The following CMIP variants were observed in gnomAD, a reference collection of about 807,000 sequenced individuals.
CMIP encodes the protein c-Maf inducing protein, also known as C-Maf-inducing protein.
In CMIP, 13 loss-of-function variants were observed where a neutral mutation model predicts 97.3. The observed-to-expected ratio is 0.13, with a 90% CI of 0.09 to 0.21. The LOEUF is 0.21. Ranked by LOEUF, CMIP falls within the 10% of genes least tolerant of loss-of-function variation. The probability of loss-of-function intolerance (pLI) is 1.00; values close to 1 mark genes in which losing one functional copy is unlikely to be tolerated. For synonymous variants in CMIP, 538 were observed against 436.3 expected, an observed-to-expected ratio of 1.23 and a Z score of -2.91; for missense variants, 847 against 1,024.9, an observed-to-expected ratio of 0.83 and a Z score of 2.37.
At chr16:81,633,703 G>C (rs2092196432) in intron 3 of CMIP, among the ~76,000 whole-genome samples, 1 of 152,246 alleles carries the variant, frequency 6.6e-6, no homozygotes, top group African/African-American at 2.4e-5. Context: ...ACTCCTAATG[G>C]AGCTTGCTGG....
intron 3 of CMIP, among the ~76,000 whole-genome samples, chr16:81,639,334 A>G (rs746376666): frequency 8.5e-5 from 13 of 152,182 alleles, no homozygotes; most frequent in Non-Finnish European, 4.4e-5. Flanking sequence ...TGGTTCATTC[A>G]CGTTGCCGTG....
rs745524352 is a variant in CMIP at position 81,478,088 on chromosome 16, C to T, written c.300+32547C>T. Among the ~76,000 whole-genome samples the T allele has an allele frequency of 1.3e-4, 20 of 152,326 alleles. 1 individual carries two copies. Among genetic ancestry groups the T allele is most frequent in the Middle Eastern group, 6.8e-3 (2 of 294 alleles). On this transcript the variant is annotated intron_variant, in intron 1 of 20. Transcript: ENST00000537098. ...CAGAATAGGGTGTTGGCATGGGCCACGCTAGCCATCTCTGCCACTGCCCTT... is the reference window on the plus strand; with the variant it reads ...CAGAATAGGGTGTTGGCATGGGCCATGCTAGCCATCTCTGCCACTGCCCTT...
chr16:81,610,476 G>A (rs895972208), intron 2 of CMIP: 39 of 985,852 alleles, frequency 4.0e-5, no homozygotes, highest in African/African-American at 3.7e-4. Context: ...ATCCAGAGCC[G>A]GACTCCGAGC....
At chr16:81,515,176 G>C (rs1386693643) in intron 1 of CMIP, among the ~76,000 whole-genome samples, 1 of 152,226 alleles carries the variant, frequency 6.6e-6, no homozygotes, top group African/African-American at 2.4e-5. Context: ...CATGACTCCA[G>C]CAGAGAGAAA....
At chr16:81,593,000 G>C (rs906105432) in intron 1 of CMIP, among the ~76,000 whole-genome samples, 1 of 152,258 alleles carries the variant, frequency 6.6e-6, no homozygotes, top group Non-Finnish European at 1.5e-5. Flanking sequence ...TGGGGACCCA[G>C]ATTTTCATCC....
chr16:81,585,189 A>C (rs1175744760), intron 1 of CMIP, among the ~76,000 whole-genome samples: 1 of 152,066 alleles, frequency 6.6e-6, no homozygotes, highest in African/African-American at 2.4e-5. Context: ...TAGAAATACA[A>C]AAATTAGCCA....
intron 1 of CMIP, among the ~76,000 whole-genome samples, chr16:81,590,405 AAG>A: frequency 6.6e-6 from 1 of 152,284 alleles, no homozygotes; most frequent in South Asian, 2.1e-4. Flanking sequence ...TTTCGGGAAC[AAG>A]AGAGAGATGT....
chr16:81,490,596 G>A (rs2089389653), intron 1 of CMIP, among the ~76,000 whole-genome samples: 1 of 152,182 alleles, frequency 6.6e-6, no homozygotes, highest in South Asian at 2.1e-4. Context: ...CTCTAGCCTG[G>A]GCGACAGAGG....
At position 81,556,350 on chromosome 16, in the gene CMIP, G is replaced by T. The variant is rs76642606; in HGVS notation, c.301-51217G>T. ...ATGCTTCTCTGAACACGGGTGCGCT[G>T]GTGTCCCTTTTAAAAGTCCCTATTT... is the stretch of plus-strand genomic sequence containing the variant. On this transcript the variant is annotated intron_variant, in intron 1 of 20. Transcript: ENST00000537098. Among the ~76,000 whole-genome samples the T allele has an allele frequency of 2.6e-3, 402 of 152,132 alleles. 2 individuals carry two copies. The highest frequency in any genetic ancestry group is 8.9e-3 in the African/African-American group (371 of 41,488).
chr16:81,517,465 A>T (rs554669507), intron 1 of CMIP, among the ~76,000 whole-genome samples: 4 of 152,230 alleles, frequency 2.6e-5, no homozygotes, highest in African/African-American at 9.6e-5. Context: ...ACACAAAGGT[A>T]TTTTTTAATA....
intron 7 of CMIP, among the ~76,000 whole-genome samples, chr16:81,668,099 A>AG (rs887955624): frequency 5.3e-5 from 8 of 152,094 alleles, no homozygotes; most frequent in South Asian, 2.1e-4. Context: ...GTTAGACCTG[A>AG]GGGGGGTCTC....
intron 1 of CMIP, among the ~76,000 whole-genome samples, chr16:81,523,050 C>G (rs1412203271): frequency 6.6e-6 from 1 of 152,120 alleles, no homozygotes; most frequent in Non-Finnish European, 1.5e-5. Flanking sequence ...CCTCAGCCCC[C>G]CAAGTAGCTG....
chr16:81,491,752 A>C (rs1228424794), intron 1 of CMIP, among the ~76,000 whole-genome samples: 1 of 152,186 alleles, frequency 6.6e-6, no homozygotes, highest in Non-Finnish European at 1.5e-5. Context: ...CGGGAGCTGG[A>C]TGGATTTGGC....
At chr16:81,707,556 T>C (rs1311089435) in intron 20 of CMIP, among the ~76,000 whole-genome samples, 1 of 152,016 alleles carries the variant, frequency 6.6e-6, no homozygotes, top group Non-Finnish European at 1.5e-5. Context: ...GAAATAAATA[T>C]TTTGAGAGGG....
rs527938337 is a variant in CMIP, at chr16:81,492,058, C to A, written c.300+46517C>A. On this transcript the variant is annotated intron_variant, in intron 1 of 20. Coordinates refer to ENST00000537098, the MANE Select transcript of CMIP (RefSeq NM_198390.3). ...CAATAGAGTGTGCCACAGTGAATAT[C>A]TGCGTGCCTGTAGCGTTTTTATCCT... Among the ~76,000 whole-genome samples, 4 of 152,290 alleles carry A rather than the reference C, an allele frequency of 2.6e-5. No individual in the cohort carries two copies. The South Asian group carries it at 8.3e-4, about 32-fold the overall frequency.
intron 1 of CMIP, chr16:81,495,391 G>T: frequency 6.5e-7 from 1 of 1,549,102 alleles, no homozygotes; most frequent in East Asian, 2.4e-5. Flanking sequence ...AACCGTTTGA[G>T]AACAACAAAC....
intron 2 of CMIP, chr16:81,610,358 C>G: frequency 2.0e-6 from 2 of 985,586 alleles, no homozygotes; most frequent in Non-Finnish European, 2.4e-6. Context: ...TCCAGCATCC[C>G]ACTTGCTCAC....
At chr16:81,612,156 G>T (rs1460023153) in intron 2 of CMIP, among the ~76,000 whole-genome samples, 1 of 152,214 alleles carries the variant, frequency 6.6e-6, no homozygotes, top group Admixed American at 6.5e-5. Context: ...TGGCCCCTGG[G>T]ATGGGGTAGC....
intron 18 of CMIP, 43 bp from the exon 19 acceptor site, chr16:81,705,456 C>T (rs770898321): frequency 5.7e-5 from 80 of 1,404,846 alleles, no homozygotes; most frequent in Non-Finnish European, 7.6e-5. Flanking sequence ...GTCACTTCCC[C>T]AGGAGTGGCC....
Sources: allele counts gnomAD v4.1 joint callset (sites outside exome capture counted in the v4.1 genomes callset), GRCh38; gene constraint gnomAD v4.1.1; transcripts MANE v1.5; gene names NCBI Gene and HGNC (gene_info 2026-07-23, HGNC 2026-07-21).